Variants in ATP8A2 observed in about 807,000 individuals in gnomAD.
ATP8A2 encodes the protein ATPase phospholipid transporting 8A2.
In ATP8A2, 100 loss-of-function variants were observed where a neutral mutation model predicts 165.6. That is an observed-to-expected ratio of 0.60 (90% confidence interval 0.51 to 0.71). The LOEUF is 0.71. Among genes scored for constraint, ATP8A2 ranks in the 30% least tolerant of loss-of-function variants. The pLI is 0.00. For missense variants in ATP8A2, 1,227 were observed against 1,479.5 expected, an observed-to-expected ratio of 0.83 and a Z score of 2.80; for synonymous variants, 543 against 548.8, an observed-to-expected ratio of 0.99 and a Z score of 0.15.
intron 33 of ATP8A2, among the ~76,000 whole-genome samples, chr13:25,893,222 C>A (rs984584749): frequency 1.6e-5 from 2 of 127,044 alleles, no homozygotes; most frequent in African/African-American, 6.0e-5. Flanking sequence ...CACAACAGTC[C>A]CCGGAGTGTG....
chr13:25,456,630 G>A (rs1203611450), intron 1 of ATP8A2, among the ~76,000 whole-genome samples: 2 of 152,162 alleles, frequency 1.3e-5, no homozygotes, highest in South Asian at 2.1e-4. Flanking sequence ...GAGAACCGTC[G>A]GAGAGGAAGG....
At chr13:25,756,558 C>T (rs1350820080) in intron 25 of ATP8A2, among the ~76,000 whole-genome samples, 1 of 152,128 alleles carries the variant, frequency 6.6e-6, no homozygotes, top group Non-Finnish European at 1.5e-5. Flanking sequence ...GGTGTGGAGC[C>T]TGGAGCAAGA....
chr13:25,753,909 G>A (rs1337454252), intron 25 of ATP8A2, among the ~76,000 whole-genome samples: 2 of 152,200 alleles, frequency 1.3e-5, no homozygotes, highest in Non-Finnish European at 1.5e-5. Context: ...AGTGTATTAA[G>A]CCAACATCCA....
At chr13:25,996,564 G>A (rs1457298942) in intron 35 of ATP8A2, among the ~76,000 whole-genome samples, 1 of 152,014 alleles carries the variant, frequency 6.6e-6, no homozygotes, top group Admixed American at 6.6e-5. Context: ...TTACTCTGTT[G>A]CCCAGGCTAG....
chr13:25,611,933 C>T (rs2040698748), intron 24 of ATP8A2, among the ~76,000 whole-genome samples: 1 of 152,028 alleles, frequency 6.6e-6, no homozygotes, highest in Non-Finnish European at 1.5e-5. Flanking sequence ...TAAAGGTGTT[C>T]ATAGTAGCCT....
chr13:25,958,617 T>C (rs933922974), intron 33 of ATP8A2, among the ~76,000 whole-genome samples: 1 of 152,188 alleles, frequency 6.6e-6, no homozygotes, highest in African/African-American at 2.4e-5. Flanking sequence ...CCTAGGCATA[T>C]GGCATGTAAA....
chr13:25,701,233 T>C (rs2042944858), intron 25 of ATP8A2, among the ~76,000 whole-genome samples: 1 of 152,222 alleles, frequency 6.6e-6, no homozygotes, highest in African/African-American at 2.4e-5. Flanking sequence ...GTGTCATAGC[T>C]AATGAGCTCT....
intron 25 of ATP8A2, among the ~76,000 whole-genome samples, chr13:25,742,961 T>C (rs2043949160): frequency 6.6e-6 from 1 of 151,804 alleles, no homozygotes; most frequent in African/African-American, 2.4e-5. Flanking sequence ...ATTGAAGAGG[T>C]GAAAGGTATA....
At chr13:25,563,065 A>G (rs1258877900) in intron 15 of ATP8A2, among the ~76,000 whole-genome samples, 18 of 152,196 alleles carry the variant, frequency 1.2e-4, no homozygotes, top group Admixed American at 1.0e-3. Flanking sequence ...AGACTAACAT[A>G]CACTCTGCTG....
intron 33 of ATP8A2, among the ~76,000 whole-genome samples, chr13:25,951,032 G>C (rs1403888125): frequency 4.6e-5 from 7 of 152,170 alleles, no homozygotes; most frequent in African/African-American, 1.7e-4. Context: ...GCCTGCACTT[G>C]CTTTATTCAG....
chr13:25,916,502 C>T (rs372669803), intron 33 of ATP8A2, among the ~76,000 whole-genome samples: 49 of 152,210 alleles, frequency 3.2e-4, no homozygotes, highest in African/African-American at 1.2e-3. Flanking sequence ...AACCTTTAGC[C>T]TCACCCTTCT....
chr13:25,443,671 A>AT lies in ATP8A2; in HGVS notation c.77-25300dup, dbSNP rs557024592. On this transcript the variant is annotated intron_variant, in intron 1 of 36. Coordinates refer to ENST00000381655, the MANE Select transcript of ATP8A2 (RefSeq NM_016529.6). ...TTCCCTATCCCCATTCCCTTTTGGG[A>AT]TTTTTTGTTCTTTACTTTTCTCTTT... Among the ~76,000 whole-genome samples the AT allele has an allele frequency of 1.1e-3, 166 of 152,214 alleles. 1 individual carries two copies. The highest frequency in any genetic ancestry group is 2.0e-3 in the Non-Finnish European group (133 of 67,992).
chr13:26,017,558 G>T (rs970477992), intron 36 of ATP8A2, among the ~76,000 whole-genome samples: 1 of 152,242 alleles, frequency 6.6e-6, no homozygotes, highest in Non-Finnish European at 1.5e-5. Context: ...CTCCTCCAAA[G>T]CTGGGCAACG....
At chr13:25,822,418 C>T (rs1951206250) in intron 27 of ATP8A2, among the ~76,000 whole-genome samples, 1 of 152,216 alleles carries the variant, frequency 6.6e-6, no homozygotes, top group African/African-American at 2.4e-5. Context: ...ATCTCACCAG[C>T]TGGGTATTAC....
intron 1 of ATP8A2, among the ~76,000 whole-genome samples, chr13:25,413,369 C>A (rs1481155374): frequency 6.7e-6 from 1 of 148,798 alleles, no homozygotes; most frequent in Admixed American, 6.7e-5. Flanking sequence ...GCAACATCCA[C>A]CTCCCAGGTT....
At chr13:25,520,816 A>C (rs181209421) in intron 2 of ATP8A2, among the ~76,000 whole-genome samples, 1 of 152,104 alleles carries the variant, frequency 6.6e-6, no homozygotes, top group Admixed American at 6.5e-5. Context: ...AGGTTTCACC[A>C]TGTTAGCCAG....
intron 24 of ATP8A2, among the ~76,000 whole-genome samples, chr13:25,655,955 A>G (rs1251181257): frequency 6.6e-6 from 1 of 152,184 alleles, no homozygotes; most frequent in Non-Finnish European, 1.5e-5. Flanking sequence ...ATGTATGTAA[A>G]TAAACAAGCT....
At position 25,397,173 on chromosome 13, in the gene ATP8A2, C is replaced by G. The variant is rs114832372; in HGVS notation, c.76+24885C>G. On this transcript the variant is annotated intron_variant, in intron 1 of 36. Coordinates refer to ENST00000381655, the MANE Select transcript of ATP8A2 (RefSeq NM_016529.6). The stretch of plus-strand genomic sequence containing the variant: ...CAGGTTGTCGCATTCCCAGCACATT[C>G]TCCAGTTGTCCTTAGGAACTACCAG... Among the ~76,000 whole-genome samples the G allele has an allele frequency of 2.5e-3, 374 of 152,334 alleles. 4 individuals carry two copies. The highest frequency in any genetic ancestry group is 8.7e-3 in the African/African-American group (361 of 41,582).
chr13:25,795,815 T>C (rs1315826742), intron 27 of ATP8A2, among the ~76,000 whole-genome samples: 2 of 152,226 alleles, frequency 1.3e-5, no homozygotes, highest in Non-Finnish European at 2.9e-5. Flanking sequence ...TGGTCCTTTA[T>C]TGAACTTCAT....
Sources: allele counts gnomAD v4.1 joint callset (sites outside exome capture counted in the v4.1 genomes callset), GRCh38; gene constraint gnomAD v4.1.1; transcripts MANE v1.5; gene names NCBI Gene and HGNC (gene_info 2026-07-23, HGNC 2026-07-21).